The following PHF2 variants were observed in gnomAD, a reference collection of about 807,000 sequenced individuals.
The protein encoded by PHF2 is lysine-specific demethylase PHF2.
Under a neutral mutation model 120.5 loss-of-function variants are expected in PHF2, and 27 were observed. The observed-to-expected ratio is 0.22, with a 90% CI of 0.17 to 0.31. The LOEUF is 0.31. Ranked by LOEUF, PHF2 falls within the 10% of genes least tolerant of loss-of-function variation. The probability of loss-of-function intolerance (pLI) is 1.00; values close to 1 mark genes in which losing one functional copy is unlikely to be tolerated. For missense variants in PHF2, 1,024 were observed against 1,434.8 expected (o/e 0.71, Z 4.63); for synonymous variants, 568 against 592.5 (o/e 0.96, Z 0.60).
intron 1 of PHF2, among the ~76,000 whole-genome samples, chr9:93,593,268 T>A (rs1373705438): frequency 1.3e-5 from 2 of 152,078 alleles, no homozygotes; most frequent in Non-Finnish European, 2.9e-5. Context: ...CCAAGGCACC[T>A]GCCAGGTCAT....
intron 17 of PHF2, chr9:93,672,372 G>A (rs56116015): frequency 7.4e-6 from 7 of 943,084 alleles, no homozygotes; most frequent in Admixed American, 1.6e-4. Context: ...GTAGATGCAG[G>A]TGTGAGTGTG....
intron 1 of PHF2, among the ~76,000 whole-genome samples, chr9:93,592,439 G>GGT (rs1409031154): frequency 6.6e-6 from 1 of 152,124 alleles, no homozygotes; most frequent in Non-Finnish European, 1.5e-5. Context: ...ATAGGTTCTT[G>GGT]GTGAAGTTCC....
intron 17 of PHF2, chr9:93,670,891 A>T: frequency 1.6e-6 from 1 of 621,542 alleles, no homozygotes; most frequent in Non-Finnish European, 2.0e-6. Flanking sequence ...AGCTGAGGGC[A>T]GCGGGGGTGC....
At chr9:93,658,940 G>C (rs10992833) in intron 10 of PHF2, among the ~76,000 whole-genome samples, 2,970 of 152,328 alleles carry the variant, frequency 0.019, 66 homozygotes, top group East Asian at 0.1. Context: ...CACCCTCTGG[G>C]ACAGTGTTTC....
At chr9:93,663,158 C>T (rs1826609283) in intron 13 of PHF2, 132 bp downstream of exon 13, 2 of 1,282,556 alleles carry the variant, frequency 1.6e-6, no homozygotes, top group Non-Finnish European at 2.2e-6. Context: ...GTAGGTAGTG[C>T]TGTGGGGTGT....
At position 93,678,719 on chromosome 9, in the gene PHF2, A is replaced by G. The variant is rs967899990; in HGVS notation, c.*1043A>G. On this transcript the variant is annotated 3_prime_UTR_variant, in exon 22 of 22. Transcript: ENST00000359246. ...ATATTTTTCATAGAATGTAGCGTGTAAATAGCTTTTTAAATAACTTCTTTT... is the reference window on the plus strand; with the variant it reads ...ATATTTTTCATAGAATGTAGCGTGTGAATAGCTTTTTAAATAACTTCTTTT... The G allele has an allele frequency of 6.5e-6, 1 of 152,826 alleles. No homozygotes were observed. The highest frequency in any genetic ancestry group is 1.5e-5 in the Non-Finnish European group (1 of 68,238). 9.5% of individuals were successfully genotyped at this position (152,826 alleles called of 1,614,324 possible). A position where few individuals can be genotyped will look rare whatever the true frequency, so the allele number is the denominator to read the frequency against.
chr9:93,666,219 A>C (rs976646437), intron 16 of PHF2, among the ~76,000 whole-genome samples, 159 bp downstream of exon 16: 61 of 152,138 alleles, frequency 4.0e-4, no homozygotes, highest in Non-Finnish European at 5.1e-4. Context: ...GAGTGTTCTA[A>C]GGTCACATCC....
chr9:93,648,420 C>T (rs527596456), intron 4 of PHF2, among the ~76,000 whole-genome samples: 5 of 152,352 alleles, frequency 3.3e-5, no homozygotes, highest in Admixed American at 2.0e-4. Context: ...CAGACAAGGC[C>T]AGTGGCCCCG....
intron 1 of PHF2, among the ~76,000 whole-genome samples, chr9:93,607,099 T>C (rs1356997245): frequency 6.6e-6 from 1 of 152,222 alleles, no homozygotes; most frequent in Non-Finnish European, 1.5e-5. Flanking sequence ...CTGTCTTGAT[T>C]ACTGTAGCTT....
intron 1 of PHF2, among the ~76,000 whole-genome samples, chr9:93,595,200 A>G (rs1825309997): frequency 6.6e-6 from 1 of 152,212 alleles, no homozygotes; most frequent in African/African-American, 2.4e-5. Context: ...AGGTATTTAT[A>G]GATACTAAAT....
chr9:93,675,114 G>A, intron 19 of PHF2, 92 bp downstream of exon 19: 1 of 1,006,154 alleles, frequency 9.9e-7, no homozygotes, highest in Non-Finnish European at 1.5e-6. Flanking sequence ...GAGAATGTGG[G>A]CTCAGCTCTG....
chr9:93,651,155 A>G (rs529884657), intron 5 of PHF2, among the ~76,000 whole-genome samples: 1 of 152,280 alleles, frequency 6.6e-6, no homozygotes, highest in East Asian at 1.9e-4. Flanking sequence ...CCTAACAGCA[A>G]AGACTAAAAG....
intron 17 of PHF2, chr9:93,671,147 G>C (rs1378795833): frequency 1.1e-5 from 11 of 982,950 alleles, no homozygotes; most frequent in Non-Finnish European, 1.1e-5. Context: ...TGCAGATGCA[G>C]GTGTGGATGT....
intron 17 of PHF2, among the ~76,000 whole-genome samples, chr9:93,667,774 G>A (rs1321639913): frequency 1.3e-5 from 2 of 152,232 alleles, no homozygotes; most frequent in Admixed American, 1.3e-4. Context: ...CCATCTGCCT[G>A]ATTGCAGAAC....
chr9:93,647,256 G>A (rs912871988), intron 4 of PHF2, among the ~76,000 whole-genome samples: 1 of 152,086 alleles, frequency 6.6e-6, no homozygotes, highest in African/African-American at 2.4e-5. Context: ...CTCTTCCCAC[G>A]TAGGAGCTAA....
intron 19 of PHF2, 98 bp downstream of exon 19, chr9:93,675,120 C>G: frequency 2.1e-6 from 2 of 955,526 alleles, no homozygotes; most frequent in Non-Finnish European, 3.3e-6. Context: ...GTGGGCTCAG[C>G]TCTGCACCTG....
chr9:93,611,801 C>A lies in PHF2; in HGVS notation c.99-18169C>A, dbSNP rs552200793. Among the ~76,000 whole-genome samples the A allele has an allele frequency of 2.0e-5, 3 of 152,296 alleles. No individual in the cohort carries two copies. In the South Asian group the frequency reaches 6.2e-4, roughly 32 times the overall value. ...AAGTGCTGGGATTATAGGCATGAGC[C>A]ACTGTGCCTCACCAGGATTAAAAAT... On this transcript the variant is annotated intron_variant, in intron 1 of 21. Coordinates refer to ENST00000359246, the MANE Select transcript of PHF2 (RefSeq NM_005392.4).
chr9:93,671,967 TAGATGC>T (rs1461429636), intron 17 of PHF2, among the ~76,000 whole-genome samples: 1 of 129,830 alleles, frequency 7.7e-6, no homozygotes, highest in African/African-American at 3.0e-5. Context: ...GGGTCAGGTG[TAGATGC>T]AGATGTGGGT....
At chr9:93,670,846 G>C (rs59044538) in intron 17 of PHF2, among the ~76,000 whole-genome samples, 2,610 of 152,264 alleles carry the variant, frequency 0.017, 34 homozygotes, top group Middle Eastern at 0.044. Context: ...ATGCGGATGC[G>C]AGACAGGCTG....
Sources: allele counts gnomAD v4.1 joint callset (sites outside exome capture counted in the v4.1 genomes callset), GRCh38; gene constraint gnomAD v4.1.1; transcripts MANE v1.5; gene names NCBI Gene and HGNC (gene_info 2026-07-23, HGNC 2026-07-21).